Variants in DOCK3 observed in about 807,000 individuals in gnomAD.
DOCK3 encodes the protein dedicator of cytokinesis protein 3.
A neutral mutation model predicts 265.6 loss-of-function variants in DOCK3; 60 were observed. The observed-to-expected ratio is 0.23, with a 90% CI of 0.18 to 0.28. DOCK3 has a LOEUF of 0.28. Ranked by LOEUF, DOCK3 falls within the 10% of genes least tolerant of loss-of-function variation. DOCK3 has a pLI of 1.00. For missense variants in DOCK3, 1,981 were observed against 2,594.3 expected, an observed-to-expected ratio of 0.76 and a Z score of 5.14; for synonymous variants, 881 against 938.0, an observed-to-expected ratio of 0.94 and a Z score of 1.11.
At chr3:50,698,456 G>A (rs946764935) in intron 1 of DOCK3, among the ~76,000 whole-genome samples, 4 of 128,890 alleles carry the variant, frequency 3.1e-5, no homozygotes, top group African/African-American at 5.8e-5. Flanking sequence ...ATTTTTCATC[G>A]TTATGAATAA....
chr3:51,260,130 A>G (rs1281669883), intron 22 of DOCK3, 26 bp from the exon 23 acceptor site: 21 of 1,602,664 alleles, frequency 1.3e-5, no homozygotes, highest in Non-Finnish European at 1.6e-5. Context: ...ACATCTCTCC[A>G]TCACTTTTTC....
intron 5 of DOCK3, among the ~76,000 whole-genome samples, chr3:51,031,590 A>T (rs761059629): frequency 6.6e-6 from 1 of 152,220 alleles, no homozygotes; most frequent in Admixed American, 6.5e-5. Context: ...ACCAGCAATA[A>T]TGTTCTTAGT....
intron 4 of DOCK3, among the ~76,000 whole-genome samples, chr3:50,931,851 T>C (rs964076571): frequency 6.6e-6 from 1 of 152,218 alleles, no homozygotes; most frequent in South Asian, 2.1e-4. Context: ...GGAGTTTCTC[T>C]TGTTGAGCTG....
chr3:51,140,966 T>G (rs2085031583), intron 9 of DOCK3, among the ~76,000 whole-genome samples: 1 of 152,172 alleles, frequency 6.6e-6, no homozygotes, highest in Admixed American at 6.5e-5. Context: ...TTAAGAGAAC[T>G]TTATATATTA....
At chr3:51,099,535 C>T (rs550584842) in intron 9 of DOCK3, among the ~76,000 whole-genome samples, 11 of 152,060 alleles carry the variant, frequency 7.2e-5, no homozygotes, top group South Asian at 2.1e-4. Context: ...ATGACTGATG[C>T]GTCTCACATA....
chr3:51,210,368 G>A (rs1303383627), intron 13 of DOCK3, among the ~76,000 whole-genome samples: 1 of 152,230 alleles, frequency 6.6e-6, no homozygotes, highest in African/African-American at 2.4e-5. Flanking sequence ...CCTCAGTTAG[G>A]ATGGCTGTAG....
At chr3:51,264,862 T>C (rs964969893) in intron 23 of DOCK3, among the ~76,000 whole-genome samples, 2 of 45,942 alleles carry the variant, frequency 4.4e-5, no homozygotes, top group Admixed American at 1.4e-4. Context: ...ATAAATAACT[T>C]AGATCAGAAC....
intron 50 of DOCK3, 99 bp from the exon 51 acceptor site, chr3:51,375,649 C>A: frequency 7.4e-7 from 1 of 1,353,902 alleles, no homozygotes; most frequent in Non-Finnish European, 1.1e-6. Flanking sequence ...TTTTCCCCGT[C>A]TGATCTTGTA....
chr3:51,092,309 G>A (rs550461537), intron 9 of DOCK3, among the ~76,000 whole-genome samples: 1 of 152,198 alleles, frequency 6.6e-6, no homozygotes, highest in Admixed American at 6.5e-5. Context: ...AGATCGACCT[G>A]GGATGCTCGA....
At chr3:51,060,417 T>C (rs2109230303) in intron 5 of DOCK3, among the ~76,000 whole-genome samples, 1 of 152,332 alleles carries the variant, frequency 6.6e-6, no homozygotes, top group South Asian at 2.1e-4. Context: ...CATTTGTCAA[T>C]TTTGGCTTCT....
chr3:51,211,519 C>T (rs944964767), intron 13 of DOCK3, among the ~76,000 whole-genome samples: 62 of 152,038 alleles, frequency 4.1e-4, no homozygotes, highest in African/African-American at 1.4e-3. Context: ...CCTCCCCCAA[C>T]CCCACAGCAG....
chr3:50,937,887 C>T (rs1202354571), intron 5 of DOCK3, among the ~76,000 whole-genome samples: 1 of 151,754 alleles, frequency 6.6e-6, no homozygotes, highest in African/African-American at 2.4e-5. Context: ...ACCAAAATGG[C>T]AGACTTAAAT....
chr3:50,849,805 T>C (rs1035464429), intron 3 of DOCK3, among the ~76,000 whole-genome samples: 1 of 152,166 alleles, frequency 6.6e-6, no homozygotes, highest in African/African-American at 2.4e-5. Context: ...ACTTGTCAGC[T>C]AGGCAAGGTG....
At chr3:50,975,250 C>T (rs2077400425) in intron 5 of DOCK3, among the ~76,000 whole-genome samples, 1 of 150,436 alleles carries the variant, frequency 6.6e-6, no homozygotes, top group African/African-American at 2.4e-5. Context: ...CAGTTTTTGC[C>T]CATTCAGTAT....
rs569792442 is a variant in DOCK3 at position 50,804,101 on chromosome 3, G to A, written c.121+25343G>A. On this transcript the variant is annotated intron_variant, in intron 2 of 52. Transcript: ENST00000266037. The stretch of plus-strand genomic sequence containing the variant: ...CAGAGGCGCTCCTTACATCTCAGAC[G>A]GGGCGGCGGGGCAGAGGCGCTCCCC... 6.0e-5 allele frequency among the ~76,000 whole-genome samples: 9 copies of A among 151,236 alleles called. No individual in the cohort carries two copies. In the South Asian group the frequency reaches 6.3e-4, roughly 11 times the overall value.
rs12631580 is a variant in DOCK3, at chr3:51,170,304, G to A, written c.1037+9602G>A. Among the ~76,000 whole-genome samples, 11 of 151,734 alleles carry A rather than the reference G, an allele frequency of 7.2e-5. No individual in the cohort carries two copies. The East Asian group carries it at 1.7e-3, about 24-fold the overall frequency. On this transcript the variant is annotated intron_variant, in intron 12 of 52. Coordinates refer to ENST00000266037, the MANE Select transcript of DOCK3 (RefSeq NM_004947.5). ...ATCCCTTCACTTCATTTTTTTTTGC[G>A]GGGGAGTTTGAGAAGGATTGACATT... is the stretch of plus-strand genomic sequence containing the variant.
At chr3:51,349,598 G>A (rs1195691429) in intron 39 of DOCK3, among the ~76,000 whole-genome samples, 2 of 152,210 alleles carry the variant, frequency 1.3e-5, no homozygotes, top group South Asian at 4.1e-4. Context: ...AGGCTGGCTT[G>A]ATTGAATGCA....
At chr3:51,086,904 A>C (rs772528014) in intron 7 of DOCK3, among the ~76,000 whole-genome samples, 1 of 152,210 alleles carries the variant, frequency 6.6e-6, no homozygotes, top group Non-Finnish European at 1.5e-5. Flanking sequence ...GGACACACAC[A>C]ATCTACCAAG....
At chr3:50,759,855 TAAAA>T (rs55757525) in intron 1 of DOCK3, among the ~76,000 whole-genome samples, 3 of 144,804 alleles carry the variant, frequency 2.1e-5, no homozygotes. Flanking sequence ...GAGATATTAT[TAAAA>T]AAAAAAAAAA....
Sources: gnomAD v4.1 joint callset for allele counts (sites outside exome capture counted in the v4.1 genomes callset) on GRCh38, gnomAD v4.1.1 for gene constraint, MANE v1.5 for transcripts, NCBI Gene and HGNC (gene_info 2026-07-23, HGNC 2026-07-21) for gene names.